The following NEK1 variants were observed in gnomAD, a reference collection of about 807,000 sequenced individuals.
The protein encoded by NEK1 is serine/threonine-protein kinase Nek1.
In NEK1, 137 loss-of-function variants were observed where a neutral mutation model predicts 182.1. The ratio of observed to expected loss-of-function variants is 0.75; its 90% CI spans 0.65 to 0.87. The LOEUF is 0.87. Ranked by LOEUF, NEK1 falls within the 40% of genes least tolerant of loss-of-function variation. The pLI, the probability that NEK1 is intolerant of heterozygous loss-of-function variation, is 0.00. For missense variants in NEK1, 1,391 were observed against 1,494.4 expected (o/e 0.93, Z 1.14); for synonymous variants, 513 against 492.2 (o/e 1.04, Z -0.56).
chr4:169,472,351 C>T (rs1473137916), intron 26 of NEK1, among the ~76,000 whole-genome samples: 6 of 152,090 alleles, frequency 3.9e-5, no homozygotes, highest in East Asian at 1.9e-4. Flanking sequence ...CCGTCCCTCA[C>T]GGCACAGTCC....
chr4:169,441,662 G>C (rs1003699620), intron 27 of NEK1, among the ~76,000 whole-genome samples: 2 of 152,230 alleles, frequency 1.3e-5, no homozygotes, highest in Admixed American at 6.5e-5. Flanking sequence ...GCATCATCCA[G>C]GGGCACAGGG....
At chr4:169,593,609 T>G (rs1169013702) in intron 5 of NEK1, among the ~76,000 whole-genome samples, 2 of 152,238 alleles carry the variant, frequency 1.3e-5, no homozygotes, top group Non-Finnish European at 2.9e-5. Flanking sequence ...ACATTTTCAT[T>G]CCCTTTGTCT....
chr4:169,427,962 T>A (rs1181049777), intron 29 of NEK1, among the ~76,000 whole-genome samples: 4 of 151,558 alleles, frequency 2.6e-5, no homozygotes, highest in African/African-American at 9.7e-5. Flanking sequence ...GTAGCTGGGA[T>A]TACAGGCACA....
chr4:169,449,408 G>A (rs1741270721), intron 27 of NEK1, among the ~76,000 whole-genome samples: 1 of 152,212 alleles, frequency 6.6e-6, no homozygotes, highest in Non-Finnish European at 1.5e-5. Context: ...CCCAGTAGGG[G>A]CTGACTGACA....
At chr4:169,555,623 A>T in intron 18 of NEK1, 97 bp downstream of exon 18, 1 of 1,506,194 alleles carries the variant, frequency 6.6e-7, no homozygotes, top group Non-Finnish European at 9.2e-7. Context: ...ATATGTGAAC[A>T]ATGGAGAAAA....
intron 27 of NEK1, among the ~76,000 whole-genome samples, chr4:169,447,234 C>T (rs1370500475): frequency 2.0e-5 from 3 of 152,126 alleles, no homozygotes; most frequent in African/African-American, 7.2e-5. Flanking sequence ...AAAAATCTTA[C>T]TGGCCAGGAG....
intron 23 of NEK1, among the ~76,000 whole-genome samples, chr4:169,493,167 C>T (rs910094129): frequency 2.0e-5 from 3 of 152,308 alleles, no homozygotes; most frequent in Non-Finnish European, 4.4e-5. Context: ...AAAGCCACCA[C>T]ACAAACCTAC....
Position 169,608,116 on chromosome 4 carries a change from TACAC to T in NEK1, c.-49+3900_-49+3903del, listed in dbSNP as rs57287742. Among the ~76,000 whole-genome samples the T allele has an allele frequency of 2.7e-5, 4 of 147,996 alleles. No individual in the cohort carries two copies. In the South Asian group the frequency reaches 8.6e-4, roughly 32 times the overall value. On this transcript the variant is annotated intron_variant, in intron 2 of 35. Coordinates refer to ENST00000507142, the MANE Select transcript of NEK1 (RefSeq NM_001199397.3). ...TTTAAAGTTCAGACACACACACACA[TACAC>T]ACACACACACACACACACAAAGAAG...
intron 19 of NEK1, among the ~76,000 whole-genome samples, chr4:169,514,973 A>G (rs913753826): frequency 1.3e-5 from 2 of 152,148 alleles, no homozygotes; most frequent in Admixed American, 6.6e-5. Context: ...ATTTAGTGCT[A>G]TAAATTTCCC....
intron 18 of NEK1, among the ~76,000 whole-genome samples, chr4:169,552,849 C>T (rs1484316504): frequency 6.6e-6 from 1 of 152,060 alleles, no homozygotes; most frequent in Admixed American, 6.6e-5. Flanking sequence ...TAGCACCCCC[C>T]AACATGTAAT....
chr4:169,518,777 C>T lies in NEK1; in HGVS notation c.1666-9925G>A, dbSNP rs1399840613. Among the ~76,000 whole-genome samples the T allele has an allele frequency of 1.3e-3, 105 of 80,424 alleles. 8 individuals are homozygous for T. In the South Asian group the frequency reaches 0.036, roughly 27 times the overall value. 52.8% of individuals were successfully genotyped at this position (80,424 alleles called of 152,430 possible). On this transcript the variant is annotated intron_variant, in intron 19 of 35. Coordinates refer to ENST00000507142, the MANE Select transcript of NEK1 (RefSeq NM_001199397.3). ...TTTCGTTATGTACCCAGTAGTCATT[C>T]AGGAGCAGGTTGTTCAGTTTCCATG... is the stretch of plus-strand genomic sequence containing the variant.
At chr4:169,486,721 A>C (rs899898245) in intron 23 of NEK1, among the ~76,000 whole-genome samples, 1 of 152,254 alleles carries the variant, frequency 6.6e-6, no homozygotes, top group Non-Finnish European at 1.5e-5. Context: ...AATAAGAACA[A>C]GGTAGCCAGA....
At chr4:169,401,612 A>G in intron 33 of NEK1, 40 bp downstream of exon 33, 1 of 1,567,502 alleles carries the variant, frequency 6.4e-7, no homozygotes, top group Non-Finnish European at 8.8e-7. Context: ...AAATATTTGT[A>G]AACTGAAAAA....
At chr4:169,523,414 C>T (rs532308783) in intron 19 of NEK1, among the ~76,000 whole-genome samples, 1 of 152,150 alleles carries the variant, frequency 6.6e-6, no homozygotes, top group South Asian at 2.1e-4. Flanking sequence ...TGAAGACAGA[C>T]TCACACACAG....
chr4:169,513,966 GTTATTTATTTAT>G lies in NEK1; in HGVS notation c.1666-5126_1666-5115del, dbSNP rs35041721. ...TACTAAAATTTTATTGAGGATTTTT[GTTATTTATTTAT>G]TTATTTATTTATTTATTTATTTTTT... is the stretch of plus-strand genomic sequence containing the variant. On this transcript the variant is annotated intron_variant, in intron 19 of 35. Coordinates refer to ENST00000507142, the MANE Select transcript of NEK1 (RefSeq NM_001199397.3). Among the ~76,000 whole-genome samples, 1,427 of 144,626 alleles carry G rather than the reference GTTATTTATTTAT, an allele frequency of 9.9e-3. 17 individuals carry two copies. The highest frequency in any genetic ancestry group is 0.035 in the African/African-American group (1,348 of 38,068). 94.9% of individuals were successfully genotyped at this position (144,626 alleles called of 152,430 possible).
chr4:169,596,828 T>C (rs535863403), intron 5 of NEK1, among the ~76,000 whole-genome samples: 1 of 152,360 alleles, frequency 6.6e-6, no homozygotes, highest in South Asian at 2.1e-4. Flanking sequence ...TCCTTATTTG[T>C]GCTAACAGAA....
intron 29 of NEK1, among the ~76,000 whole-genome samples, chr4:169,432,604 C>T (rs1274396564): frequency 2.0e-5 from 3 of 151,878 alleles, no homozygotes; most frequent in African/African-American, 7.3e-5. Flanking sequence ...CAAAAATAAA[C>T]AAGGTGGAAA....
intron 31 of NEK1, among the ~76,000 whole-genome samples, chr4:169,421,594 C>T (rs1388075819): frequency 3.9e-5 from 6 of 152,168 alleles, no homozygotes; most frequent in Non-Finnish European, 5.9e-5. Flanking sequence ...CTTCCCCCTT[C>T]GTGCCCACGC....
At chr4:169,427,321 T>C (rs1306995586) in intron 29 of NEK1, among the ~76,000 whole-genome samples, 1 of 151,782 alleles carries the variant, frequency 6.6e-6, no homozygotes, top group Non-Finnish European at 1.5e-5. Context: ...AGAGACAGAG[T>C]TTCATCGTGT....
Sources: gnomAD v4.1 joint callset for allele counts (sites outside exome capture counted in the v4.1 genomes callset) on GRCh38, gnomAD v4.1.1 for gene constraint, MANE v1.5 for transcripts, NCBI Gene and HGNC (gene_info 2026-07-23, HGNC 2026-07-21) for gene names.